Variants in SMTN observed in about 807,000 individuals in gnomAD.
SMTN encodes the protein smoothelin.
Under a neutral mutation model 102.0 loss-of-function variants are expected in SMTN, and 58 were observed. That is an observed-to-expected ratio of 0.57 (90% CI 0.46 to 0.71). The LOEUF is 0.71. Among genes scored for constraint, SMTN ranks in the 30% least tolerant of loss-of-function variants. The pLI is 0.00. For missense variants in SMTN, 1,185 were observed against 1,241.7 expected, an observed-to-expected ratio of 0.95 and a Z score of 0.69; for synonymous variants, 478 against 497.9, an observed-to-expected ratio of 0.96 and a Z score of 0.53.
chr22:31,092,521 G>A (rs1430943426), intron 11 of SMTN: 17 of 471,114 alleles, frequency 3.6e-5, no homozygotes, highest in East Asian at 2.8e-4. Flanking sequence ...CGGGCCACCC[G>A]GCTGCCCAGG....
chr22:31,090,283 T>G, intron 8 of SMTN, 103 bp downstream of exon 8: 2 of 904,320 alleles, frequency 2.2e-6, no homozygotes, highest in Non-Finnish European at 3.4e-6. Context: ...AGCTCTAGCT[T>G]CCTCAGGTCC....
intron 14 of SMTN, 27 bp from the exon 15 acceptor site, chr22:31,096,971 C>A (rs2043640829): frequency 1.2e-6 from 2 of 1,613,912 alleles, no homozygotes; most frequent in Admixed American, 3.3e-5. Flanking sequence ...GTGCCTTTCA[C>A]ATCCTTCTCA....
chr22:31,079,548 G>T (rs141810867), upstream of SMTN, among the ~76,000 whole-genome samples: 1 of 152,374 alleles, frequency 6.6e-6, no homozygotes, highest in African/African-American at 2.4e-5. Flanking sequence ...GGTGGCCTAG[G>T]TGTGCCCTGC....
chr22:31,093,149 T>C (rs1268981336), intron 11 of SMTN, among the ~76,000 whole-genome samples: 5 of 152,258 alleles, frequency 3.3e-5, no homozygotes, highest in Non-Finnish European at 7.3e-5. Flanking sequence ...TCAGAACCCA[T>C]GCAGTCTTAC....
At chr22:31,081,710 G>A (rs150654729) in intron 1 of SMTN, among the ~76,000 whole-genome samples, 50 of 152,352 alleles carry the variant, frequency 3.3e-4, no homozygotes, top group African/African-American at 1.1e-3. Flanking sequence ...GAATCCTGAG[G>A]CCCCTCACAA....
At chr22:31,075,147 T>A (rs375988838) in intron 1 of SMTN, among the ~76,000 whole-genome samples, 1 of 152,212 alleles carries the variant, frequency 6.6e-6, no homozygotes, top group Non-Finnish European at 1.5e-5. Flanking sequence ...AGTCCTAGGT[T>A]TGAGTCTCGA....
rs2043147200 is a variant in SMTN, at chr22:31,091,709, A to G, written c.1494A>G (p.Leu498=). Residue 498 remains leucine, a synonymous_variant, in exon 11 of 21, where the codon CTA becomes CTG. Transcript: ENST00000333137. ...LTLGLRAPPT[L]LSTSSGGKST... Reference sequence around the variant, plus strand: ...TGGGGCTGCGGGCGCCCCCGACCCTACTCAGCACCAGTAGTGGGGGCAAGA... The same window carrying G: ...TGGGGCTGCGGGCGCCCCCGACCCTGCTCAGCACCAGTAGTGGGGGCAAGA... 6.2e-7 allele frequency: 1 copy of G among 1,610,888 alleles called. No individual in the cohort carries two copies. The highest frequency in any genetic ancestry group is 8.5e-7 in the Non-Finnish European group (1 of 1,177,932).
chr22:31,089,256 A>G (rs1046898801), intron 6 of SMTN, among the ~76,000 whole-genome samples: 2 of 151,854 alleles, frequency 1.3e-5, no homozygotes, highest in African/African-American at 2.4e-5. Flanking sequence ...AGTTCACTCT[A>G]TTTTCCAGAG....
intron 2 of SMTN, chr22:31,085,221 C>A (rs971734887): frequency 6.5e-7 from 1 of 1,534,404 alleles, no homozygotes; most frequent in African/African-American, 1.4e-5. Flanking sequence ...CCTTTAGATC[C>A]GGACACTGAA....
chr22:31,098,880 G>GATGGGCAGTGGGGGGCGGGGCT (rs752176447), intron 17 of SMTN, 40 bp downstream of exon 17: 106 of 1,529,510 alleles, frequency 6.9e-5, no homozygotes, highest in Middle Eastern at 4.5e-4. Context: ...GGGGCGGGGC[G>GATGGGCAGTGGGGGGCGGGGCT]TGATAGGCAG....
chr22:31,083,664 T>C, intron 2 of SMTN: 1 of 205,076 alleles, frequency 4.9e-6, no homozygotes, highest in Non-Finnish European at 1.0e-5. Flanking sequence ...GGCCCAGTGA[T>C]AATGGTAGCA....
At position 31,091,746 on chromosome 22, in the gene SMTN, C is replaced by T. The variant is rs116300758; in HGVS notation, c.1531C>T (p.Arg511Cys). The T allele has an allele frequency of 2.5e-3, 3,966 of 1,612,636 alleles. 8 individuals are homozygous for T. The highest frequency in any genetic ancestry group is 2.2e-3 in the Non-Finnish European group (2,576 of 1,179,232). Residue 511 changes from arginine to cysteine, a missense_variant, in exon 11 of 21, where the codon CGT (arginine) becomes TGT (cysteine). Coordinates refer to ENST00000333137, the MANE Select transcript of SMTN (RefSeq NM_134269.3). ...TAGTGGGGGCAAGAGCACCATCACC[C>T]GTGTCAACAGCCCTGGGACCCTGGC... is the stretch of plus-strand genomic sequence containing the variant. ...TSSGGKSTIT[R>C]VNSPGTLARL...
intron 1 of SMTN, among the ~76,000 whole-genome samples, chr22:31,072,052 G>A (rs2042016550): frequency 2.0e-5 from 3 of 152,150 alleles, no homozygotes; most frequent in Admixed American, 6.5e-5. Context: ...GAGATAGAGG[G>A]AAGGGATAGG....
chr22:31,079,963 G>A (rs376397861), upstream of SMTN, among the ~76,000 whole-genome samples: 5 of 152,210 alleles, frequency 3.3e-5, no homozygotes, highest in African/African-American at 7.2e-5. Context: ...GGTTTTTGCC[G>A]TGTTGGCCAG....
In SMTN at chr22:31,099,172, G is replaced by T; in HGVS notation, c.2444G>T (p.Gly815Val). Residue 815 changes from glycine to valine, a missense_variant, in exon 18 of 21, where the codon GGC becomes GTC. By Grantham distance (109) the Gly-to-Val change is moderately radical. Transcript: ENST00000333137. The part of the protein sequence containing the change: ...LLDWCRAKTR[G>V]YEHVDIQNFS... ...GACTGGTGTCGAGCCAAGACTCGCG[G>T]CTACGAGGTGAGCCCCGGGAGGCCA... is the stretch of plus-strand genomic sequence containing the variant. 6.2e-7 allele frequency: 1 copy of T among 1,611,480 alleles called. No homozygotes were observed. Among genetic ancestry groups the T allele is most frequent in the Non-Finnish European group, 8.5e-7 (1 of 1,178,932 alleles).
At chr22:31,090,292 C>T (rs2043024952) in intron 8 of SMTN, 112 bp downstream of exon 8, 3 of 808,144 alleles carry the variant, frequency 3.7e-6, no homozygotes, top group Non-Finnish European at 5.9e-6. Flanking sequence ...TTCCTCAGGT[C>T]CATGCAGTCC....
chr22:31,096,345 ACCTGCTGATGGCCCAC>A (rs2043577032), intron 13 of SMTN: 1 of 189,628 alleles, frequency 5.3e-6, no homozygotes, highest in African/African-American at 2.3e-5. Flanking sequence ...CCAACCAAAG[ACCTGCTGATGGCCCAC>A]CCAGCTACTT....
rs970719377 is a variant in SMTN, at chr22:31,091,295, G to T, written c.1272G>T (p.Arg424Ser). 6.2e-7 allele frequency: 1 copy of T among 1,600,826 alleles called. No individual in the cohort carries two copies. ...CCAGGGGGCGGGGCTTGGCTGCTAG[G>T]CCCCTTGAAAACAGAGCAGGGGGGC... is the stretch of plus-strand genomic sequence containing the variant. ...EGPRGRGLAA[R>S]PLENRAGGPV... Residue 424 changes from arginine to serine, a missense_variant, in exon 10 of 21, where the codon AGG (arginine) becomes AGT (serine). Coordinates refer to ENST00000333137, the MANE Select transcript of SMTN (RefSeq NM_134269.3).
chr22:31,072,740 G>T (rs1277310429), intron 1 of SMTN, among the ~76,000 whole-genome samples: 1 of 152,048 alleles, frequency 6.6e-6, no homozygotes, highest in East Asian at 1.9e-4. Context: ...GGGATTACAG[G>T]CATGAGCCAC....
Sources: allele counts gnomAD v4.1 joint callset (sites outside exome capture counted in the v4.1 genomes callset), GRCh38; gene constraint gnomAD v4.1.1; transcripts MANE v1.5; gene names NCBI Gene and HGNC (gene_info 2026-07-23, HGNC 2026-07-21).